The following CD1B variants were observed in gnomAD, a reference collection of about 807,000 sequenced individuals.
CD1B encodes the protein T-cell surface glycoprotein CD1b.
A neutral mutation model predicts 39.8 loss-of-function variants in CD1B; 43 were observed. The ratio of observed to expected loss-of-function variants is 1.08; its 90% CI spans 0.85 to 1.39. The LOEUF (loss-of-function observed/expected upper bound fraction) is 1.39, where lower values mean the gene tolerates loss of function less well. Ranked by LOEUF, CD1B falls within the 40% of genes most tolerant of loss-of-function variation. The probability of loss-of-function intolerance (pLI) is 0.00; values close to 1 mark genes in which losing one functional copy is unlikely to be tolerated. For synonymous variants in CD1B, 192 were observed against 152.5 expected (o/e 1.26, Z -1.91); for missense variants, 495 against 403.8 (o/e 1.23, Z -1.94).
intron 2 of CD1B, 113 bp from the exon 3 acceptor site, chr1:158,330,243 G>C (rs1652544446): frequency 2.1e-6 from 2 of 935,524 alleles, no homozygotes; most frequent in Admixed American, 4.7e-5. Flanking sequence ...GGTGTAAAAT[G>C]ATGATGAGCT....
At chr1:158,299,997 C>T in the CD1B span, among the ~76,000 whole-genome samples, 1 of 152,090 alleles carries the variant, frequency 6.6e-6, no homozygotes, top group Non-Finnish European at 1.5e-5. Flanking sequence ...TTCAGGTCTG[C>T]TCTGATCTTA....
chr1:158,321,964 T>C, the CD1B span, among the ~76,000 whole-genome samples: 27 of 152,152 alleles, frequency 1.8e-4, no homozygotes, highest in Non-Finnish European at 2.8e-4. Flanking sequence ...CCCCACCATG[T>C]GTCCATGTAT....
the CD1B span, among the ~76,000 whole-genome samples, chr1:158,299,054 G>C: frequency 7.2e-5 from 11 of 152,120 alleles, no homozygotes; most frequent in Admixed American, 3.3e-4. Flanking sequence ...ATACTATGTT[G>C]AATAGGAGTG....
At chr1:158,299,762 G>T in the CD1B span, among the ~76,000 whole-genome samples, 1 of 152,166 alleles carries the variant, frequency 6.6e-6, no homozygotes, top group Non-Finnish European at 1.5e-5. Context: ...AGATTTTCTA[G>T]TTTATTTGCA....
At chr1:158,312,158 C>T in the CD1B span, among the ~76,000 whole-genome samples, 1 of 152,048 alleles carries the variant, frequency 6.6e-6, no homozygotes, top group Non-Finnish European at 1.5e-5. Flanking sequence ...GCCCTGTGTC[C>T]CCACCCAAAT....
chr1:158,301,553 G>T, the CD1B span, among the ~76,000 whole-genome samples: 4 of 152,176 alleles, frequency 2.6e-5, no homozygotes, highest in Admixed American at 1.3e-4. Context: ...ATGATGCTTA[G>T]TTTGGGTGGA....
chr1:158,327,990 T>C lies in CD1B; in HGVS notation c.*246A>G. 1 of 398,496 alleles carries C rather than the reference T, an allele frequency of 2.5e-6. No homozygotes were observed. The allele number at this position is 398,496 out of a possible 1,614,324, so 24.7% of individuals were successfully genotyped here. ...TATATTTCATTTATTTTGAGACACATTTTTTCTAACATTTTAATGTGTGTA... is the reference window on the plus strand; with the variant it reads ...TATATTTCATTTATTTTGAGACACACTTTTTCTAACATTTTAATGTGTGTA... On this transcript the variant is annotated 3_prime_UTR_variant, in exon 6 of 6. Transcript: ENST00000368168.
At chr1:158,314,578 A>C in the CD1B span, among the ~76,000 whole-genome samples, 1 of 152,006 alleles carries the variant, frequency 6.6e-6, no homozygotes, top group Admixed American at 6.5e-5. Context: ...TTTAAATGTA[A>C]GCCTTTATTG....
the CD1B span, among the ~76,000 whole-genome samples, chr1:158,308,316 T>A: frequency 6.6e-6 from 1 of 152,104 alleles, no homozygotes; most frequent in African/African-American, 2.4e-5. Context: ...AAACCACTGC[T>A]CAGTGAAATA....
the CD1B span, among the ~76,000 whole-genome samples, chr1:158,303,572 A>G: frequency 6.6e-6 from 1 of 152,224 alleles, no homozygotes; most frequent in African/African-American, 2.4e-5. Context: ...ATTTTAGTTA[A>G]TCTTCAAGGT....
At chr1:158,325,993 G>A (rs766051795), downstream of CD1B, among the ~76,000 whole-genome samples, 8 of 151,916 alleles carry the variant, frequency 5.3e-5, no homozygotes, top group South Asian at 2.1e-4. Context: ...TTCTTGAGAC[G>A]GAGTCTTGCT....
downstream of CD1B, among the ~76,000 whole-genome samples, chr1:158,326,094 CT>C (rs1350899025): frequency 1.3e-5 from 2 of 152,152 alleles, no homozygotes; most frequent in Non-Finnish European, 2.9e-5. Flanking sequence ...CTCAGCCTCC[CT>C]GAGTAGCTGG....
the CD1B span, among the ~76,000 whole-genome samples, chr1:158,309,411 A>AG: frequency 6.6e-6 from 1 of 152,170 alleles, no homozygotes; most frequent in Non-Finnish European, 1.5e-5. Flanking sequence ...GCCATTGTGG[A>AG]GGTCAGTGTG....
the CD1B span, among the ~76,000 whole-genome samples, chr1:158,313,428 A>G: frequency 6.6e-6 from 1 of 152,138 alleles, no homozygotes; most frequent in Non-Finnish European, 1.5e-5. Context: ...CTCCAACCTC[A>G]GCCTCCTGAG....
At chr1:158,320,787 A>G in the CD1B span, among the ~76,000 whole-genome samples, 13,495 of 151,922 alleles carry the variant, frequency 0.089, 1,186 homozygotes, top group African/African-American at 0.21. Flanking sequence ...GTTCAGCTGT[A>G]TGTTGTCTAA....
At position 158,330,127 on chromosome 1, in the gene CD1B, G is replaced by A; in HGVS notation, c.332C>T (p.Pro111Leu). The change falls in exon 3 of 6, where the codon CCC (proline) becomes CTC (leucine). Residue 111 changes from proline (P) to leucine (L), a missense_variant. Pro to Leu is a moderately conservative substitution (Grantham distance 98, BLOSUM62 -3). Coordinates refer to ENST00000368168, the MANE Select transcript of CD1B (RefSeq NM_001764.3). ...GCCTGCTATGCCCTGGATCTCAAAG[G>A]GGTCTATGTAGAGGGAAAAGAGAGC... ...DFAGDFQMKY[P>L]FEIQGIAGCE... is the part of the protein sequence containing the mutation. 1.2e-6 allele frequency: 2 copies of A among 1,608,190 alleles called. No individual in the cohort carries two copies. Among genetic ancestry groups the A allele is most frequent in the South Asian group, 1.1e-5 (1 of 90,088 alleles).
At chr1:158,297,709 G>A in the CD1B span, among the ~76,000 whole-genome samples, 6 of 152,086 alleles carry the variant, frequency 3.9e-5, no homozygotes, top group Admixed American at 1.3e-4. Context: ...AAGGCAGGCC[G>A]ATTGCTTGAT....
Position 158,329,521 on chromosome 1 carries a change from C to G in CD1B, c.735G>C (p.Gln245His), listed in dbSNP as rs1434912668. 1 of 1,614,182 alleles carries G rather than the reference C, an allele frequency of 6.2e-7. No individual in the cohort carries two copies. Among genetic ancestry groups the G allele is most frequent in the Non-Finnish European group, 8.5e-7 (1 of 1,180,044 alleles). The part of the protein sequence containing the change: ...WVMWMRGEQE[Q>H]QGTQLGDILP... ...GGATGTCCCCTAGCTGAGTGCCCTG[C>G]TGCTCCTGCTCACCCCGCATCCACA... The change falls in exon 4 of 6, where the codon CAG (glutamine) becomes CAC (histidine). Residue 245 changes from glutamine to histidine, a missense_variant. Physicochemically the swap from Gln to His is conservative, Grantham distance 24. Coordinates refer to ENST00000368168, the MANE Select transcript of CD1B (RefSeq NM_001764.3).
the CD1B span, among the ~76,000 whole-genome samples, chr1:158,286,010 C>T: frequency 6.6e-6 from 1 of 151,970 alleles, no homozygotes. Flanking sequence ...CACTGGAGTT[C>T]TGAGGAAATC....
Sources: allele counts gnomAD v4.1 joint callset (sites outside exome capture counted in the v4.1 genomes callset), GRCh38; gene constraint gnomAD v4.1.1; transcripts MANE v1.5; gene names NCBI Gene and HGNC (gene_info 2026-07-23, HGNC 2026-07-21).